EVC: variants seen among roughly 807,000 people sequenced by gnomAD.
The protein encoded by EVC is evC complex member EVC.
Under a neutral mutation model 118.9 loss-of-function variants are expected in EVC, and 116 were observed. That is an observed-to-expected ratio of 0.98 (90% CI 0.84 to 1.14). The LOEUF (loss-of-function observed/expected upper bound fraction) is 1.14, where lower values mean the gene tolerates loss of function less well. Ranked by LOEUF, EVC falls within the 50% of genes most tolerant of loss-of-function variation. EVC has a pLI of 0.00. For missense variants in EVC, 1,401 were observed against 1,246.4 expected, an observed-to-expected ratio of 1.12 and a Z score of -1.87; for synonymous variants, 619 against 534.7, an observed-to-expected ratio of 1.16 and a Z score of -2.18.
rs139335990 is a variant in EVC, at chr4:5,733,833, C to T, written c.702+398C>T. ...TATGTACGAGGTCCCAGGAGTATTA[C>T]ACTTAAACCTCAGCACAACCCAGAG... On this transcript the variant is annotated intron_variant, in intron 5 of 20. Transcript: ENST00000264956. 1.1e-3 allele frequency among the ~76,000 whole-genome samples: 166 copies of T among 152,326 alleles called. 1 individual carries two copies. Among genetic ancestry groups the T allele is most frequent in the African/African-American group, 3.8e-3 (156 of 41,580 alleles).
At chr4:5,828,012 G>T in the EVC span, 1 of 983,746 alleles carries the variant, frequency 1.0e-6, no homozygotes, top group Non-Finnish European at 1.2e-6. Flanking sequence ...AGGAAGGAAA[G>T]GAAGAAAGGG....
At chr4:5,777,340 G>A (rs887853355) in intron 11 of EVC, among the ~76,000 whole-genome samples, 4 of 152,112 alleles carry the variant, frequency 2.6e-5, no homozygotes, top group African/African-American at 9.7e-5. Context: ...TATTTCTCCA[G>A]TATGGCTTTT....
the EVC span, chr4:5,825,502 C>G: frequency 6.4e-7 from 1 of 1,572,266 alleles, no homozygotes. This position sits in a 1 kb window ranked among gnomAD's most constrained non-coding sequence, Gnocchi z 4.4. Flanking sequence ...ACCTGATAAG[C>G]TGAAGTTGGA....
intron 11 of EVC, among the ~76,000 whole-genome samples, chr4:5,764,917 A>G (rs992596123): frequency 7.2e-6 from 1 of 138,194 alleles, no homozygotes; most frequent in African/African-American, 2.8e-5. Flanking sequence ...TTCTGCTCTG[A>G]TTTTAGTTAT....
Position 5,808,657 on chromosome 4 carries a change from C to T in EVC, c.2688+330C>T, listed in dbSNP as rs28479075. Among the ~76,000 whole-genome samples, 10,650 of 152,260 alleles carry T rather than the reference C, an allele frequency of 0.07. 563 individuals are homozygous for T. The highest frequency in any genetic ancestry group is 0.13 in the South Asian group (622 of 4,820). Reference sequence around the variant, plus strand: ...GTGCGCATGGCCACCAGGAGGCTTCCGGTGTAATGGTGACCTCTGTGTCAC... The same window carrying T: ...GTGCGCATGGCCACCAGGAGGCTTCTGGTGTAATGGTGACCTCTGTGTCAC... On this transcript the variant is annotated intron_variant, in intron 18 of 20. Transcript: ENST00000264956.
chr4:5,753,818 C>T lies in EVC; in HGVS notation c.1349C>T (p.Ala450Val), dbSNP rs749008952. The T allele has an allele frequency of 5.8e-5, 93 of 1,614,002 alleles. No homozygotes were observed. Among genetic ancestry groups the T allele is most frequent in the Non-Finnish European group, 7.4e-5 (87 of 1,180,012 alleles). ...CAGCGAGGCAAAGACCTGGTCACGG[C>T]GTCTCTGGCTCACCAGGTGGAGGGA... ...FVQRGKDLVT[A>V]SLAHQVEGTA... is the part of the protein sequence containing the mutation. Residue 450 changes from alanine to valine, a missense_variant, in exon 10 of 21, where the codon GCG (alanine) becomes GTG (valine). By Grantham distance (64) the Ala-to-Val change is moderately conservative. Coordinates refer to ENST00000264956, the MANE Select transcript of EVC (RefSeq NM_153717.3).
intron 8 of EVC, among the ~76,000 whole-genome samples, chr4:5,750,771 TAGAC>T (rs1252762524): frequency 6.6e-6 from 1 of 152,050 alleles, no homozygotes; most frequent in Non-Finnish European, 1.5e-5. Context: ...GCAGGAGAAA[TAGAC>T]AGCAAAAAAT....
intron 11 of EVC, among the ~76,000 whole-genome samples, chr4:5,782,537 A>G (rs994159931): frequency 8.4e-3 from 28 of 3,330 alleles, no homozygotes; most frequent in African/African-American, 0.054. Context: ...GTTTTAAATG[A>G]AAAAAAAAAA....
rs13101313 is a variant in EVC at position 5,811,835 on chromosome 4, T to G, written c.*798T>G. 717 of 70,010 alleles carry G rather than the reference T, an allele frequency of 0.01. No individual in the cohort carries two copies. Among genetic ancestry groups the G allele is most frequent in the Middle Eastern group, 0.056 (4 of 72 alleles). The allele number at this position is 70,010 out of a possible 1,614,324, so 4.3% of individuals were successfully genotyped here. A position where few individuals can be genotyped will look rare whatever the true frequency, so the allele number is the denominator to read the frequency against. ...AGCCAGGAGAGGCCTTTCCCACCGG[T>G]AGAGAAACTTCCAGACCAGCCCCTC... On this transcript the variant is annotated 3_prime_UTR_variant, in exon 21 of 21. Transcript: ENST00000264956.
At position 5,745,292 on chromosome 4, in the gene EVC, C is replaced by T; in HGVS notation, c.890C>T (p.Ala297Val). The T allele has an allele frequency of 1.2e-6, 2 of 1,613,720 alleles. No individual in the cohort carries two copies. The highest frequency in any genetic ancestry group is 3.3e-4 in the Middle Eastern group (2 of 6,062). ...GAGDSEYITL[A>V]DVEKKEREYS... ...GGTGACTCTGAGTACATCACCCTGG[C>T]TGATGTGGAAAAGAAGGAGAGAGAA... The change falls in exon 7 of 21, where the codon GCT becomes GTT. Residue 297 changes from alanine to valine, a missense_variant. Physicochemically the swap from Ala to Val is moderately conservative, Grantham distance 64. Transcript: ENST00000264956.
intron 5 of EVC, among the ~76,000 whole-genome samples, chr4:5,736,537 G>T (rs911718371): frequency 6.6e-6 from 1 of 150,614 alleles, no homozygotes; most frequent in African/African-American, 2.4e-5. Flanking sequence ...CAAATTGAAG[G>T]GTTTTGGCAA....
At chr4:5,796,870 C>T in intron 13 of EVC, 152 bp from the exon 14 acceptor site, 1 of 719,864 alleles carries the variant, frequency 1.4e-6, no homozygotes, top group Non-Finnish European at 2.5e-6. Context: ...CCAGGGAGCA[C>T]CCATGCCTAA....
intron 11 of EVC, among the ~76,000 whole-genome samples, chr4:5,766,091 C>T (rs1343279859): frequency 2.2e-5 from 3 of 136,736 alleles, no homozygotes; most frequent in Non-Finnish European, 4.8e-5. Context: ...TCTTTTAGGG[C>T]AGGCCTGGTG....
chr4:5,817,884 T>C (rs1717946592), downstream of EVC, among the ~76,000 whole-genome samples: 1 of 152,184 alleles, frequency 6.6e-6, no homozygotes, highest in Non-Finnish European at 1.5e-5. Flanking sequence ...GAAAATGGTT[T>C]GGCTTTACGT....
In EVC at chr4:5,804,788, G is replaced by A. The variant is rs139441657; in HGVS notation, c.2508G>A (p.Ser836=). The change falls in exon 17 of 21, where the codon TCG becomes TCA. Residue 836 remains serine, a synonymous_variant. Coordinates refer to ENST00000264956, the MANE Select transcript of EVC (RefSeq NM_153717.3). ...AGCAAGAACTCAGCAACCCTTCGTCGGGCAGCAGGACGGCAGGTGGCGCTC... is the reference window on the plus strand; with the variant it reads ...AGCAAGAACTCAGCAACCCTTCGTCAGGCAGCAGGACGGCAGGTGGCGCTC... The part of the protein sequence containing the change: ...RKKQELSNPS[S]GSRTAGGAHE... 46 of 1,613,976 alleles carry A rather than the reference G, an allele frequency of 2.9e-5. No homozygotes were observed. Among genetic ancestry groups the A allele is most frequent in the African/African-American group, 1.1e-4 (8 of 74,894 alleles).
intron 19 of EVC, 73 bp downstream of exon 19, chr4:5,809,684 G>A: frequency 6.1e-6 from 8 of 1,314,644 alleles, no homozygotes; most frequent in Non-Finnish European, 8.7e-6. Flanking sequence ...TTCCACACTG[G>A]CCACTAACTA....
chr4:5,774,956 T>C (rs564010765), intron 11 of EVC, among the ~76,000 whole-genome samples: 12 of 152,304 alleles, frequency 7.9e-5, no homozygotes, highest in Admixed American at 2.6e-4. Context: ...GACTTGAGTC[T>C]TTCCAAGGAG....
the EVC span, among the ~76,000 whole-genome samples, chr4:5,827,400 C>T: frequency 2.0e-5 from 3 of 152,208 alleles, no homozygotes; most frequent in Non-Finnish European, 4.4e-5. Flanking sequence ...ATCTGTGCGA[C>T]TTGGTGTCTT....
At chr4:5,723,186 TC>T (rs1013552971) in intron 2 of EVC, among the ~76,000 whole-genome samples, 2 of 145,360 alleles carry the variant, frequency 1.4e-5, no homozygotes, top group African/African-American at 5.4e-5. Flanking sequence ...CAACATCCTT[TC>T]CTTCTTTTTT....
Sources: allele counts gnomAD v4.1 joint callset (sites outside exome capture counted in the v4.1 genomes callset), GRCh38; gene constraint gnomAD v4.1.1; non-coding constraint Gnocchi (gnomAD v3.1); transcripts MANE v1.5; gene names NCBI Gene and HGNC (gene_info 2026-07-23, HGNC 2026-07-21).